Variants in EMP2 observed in about 807,000 individuals in gnomAD.
EMP2 encodes epithelial membrane protein 2.
EMP2 carries 19 observed loss-of-function variants against 13.7 expected under a neutral mutation model. The observed-to-expected ratio is 1.38, with a 90% CI of 0.97 to 2.03. The LOEUF (loss-of-function observed/expected upper bound fraction) is 2.03. Ranked by LOEUF, EMP2 falls within the 30% of genes most tolerant of loss-of-function variation. The probability of loss-of-function intolerance (pLI) is 0.00; values close to 1 mark genes in which losing one functional copy is unlikely to be tolerated. For synonymous variants in EMP2, 97 were observed against 84.7 expected, an observed-to-expected ratio of 1.15 and a Z score of -0.80; for missense variants, 253 against 220.7, an observed-to-expected ratio of 1.15 and a Z score of -0.93.
intron 1 of EMP2, among the ~76,000 whole-genome samples, chr16:10,548,609 G>C (rs2050757947): frequency 6.6e-6 from 1 of 152,014 alleles, no homozygotes; most frequent in Non-Finnish European, 1.5e-5. Context: ...CAGAAGGATT[G>C]CTTGAGCCCA....
rs58318805 is a variant in EMP2 at position 10,529,931 on chromosome 16, C to CAAAAAAAAAAAAA, written c.*2961_*2973dup. On this transcript the variant is annotated 3_prime_UTR_variant, in exon 5 of 5. Transcript: ENST00000359543. ...GGGCAACAAGAGCAAAACTCAGTCT[C>CAAAAAAAAAAAAA]AAAAAAAAAAAAAAAAAAGAAAAAG... is the stretch of plus-strand genomic sequence containing the variant. 5.3e-5 allele frequency: 4 copies of CAAAAAAAAAAAAA among 75,350 alleles called. No individual in the cohort carries two copies. The highest frequency in any genetic ancestry group is 1.6e-4 in the Admixed American group (1 of 6,176). The allele number at this position is 75,350 out of a possible 1,614,324, so 4.7% of individuals were successfully genotyped here. A position where few individuals can be genotyped will look rare whatever the true frequency, so the allele number is the denominator to read the frequency against.
In EMP2 at chr16:10,536,121, A is replaced by G. The variant is rs141596283; in HGVS notation, c.316+1807T>C. ...TCCACCTGTACCTAGAAGGGGTGGTACCTGGCTGTCCAGTAAAAGTGCCCC... is the reference window on the plus strand; with the variant it reads ...TCCACCTGTACCTAGAAGGGGTGGTGCCTGGCTGTCCAGTAAAAGTGCCCC... On this transcript the variant is annotated intron_variant, in intron 4 of 4. Coordinates refer to ENST00000359543, the MANE Select transcript of EMP2 (RefSeq NM_001424.6). Among the ~76,000 whole-genome samples, 28 of 152,278 alleles carry G rather than the reference A, an allele frequency of 1.8e-4. No individual in the cohort carries two copies. In the South Asian group the frequency reaches 2.1e-3, roughly 11 times the overall value.
At chr16:10,550,076 G>C (rs2050774531) in intron 1 of EMP2, among the ~76,000 whole-genome samples, 1 of 151,752 alleles carries the variant, frequency 6.6e-6, no homozygotes. Flanking sequence ...AGTACAGACA[G>C]GGTTTCACTA....
intron 1 of EMP2, among the ~76,000 whole-genome samples, chr16:10,549,455 T>G (rs950590440): frequency 8.5e-5 from 13 of 152,184 alleles, no homozygotes; most frequent in African/African-American, 2.7e-4. Context: ...CTTTGAGTAT[T>G]TTATAACCAT....
chr16:10,545,852 T>G (rs1376654474), intron 2 of EMP2: 7 of 151,920 alleles, frequency 4.6e-5, no homozygotes, highest in Non-Finnish European at 7.4e-5. Context: ...TGGGGACCAC[T>G]GCTATAATCC....
rs773249251 is a variant in EMP2 at position 10,537,913 on chromosome 16, C to T, written c.316+15G>A. On this transcript the variant is annotated intron_variant, in intron 4 of 4. Transcript: ENST00000359543. ...CAGAAAGCCCCTTGTTAGGGAAGCC[C>T]GTTGATGTACTTACATGACATTAGC... The T allele has an allele frequency of 5.0e-6, 8 of 1,611,456 alleles. No homozygotes were observed. Among genetic ancestry groups the T allele is most frequent in the African/African-American group, 1.3e-5 (1 of 74,856 alleles).
chr16:10,555,610 T>C (rs576633679), intron 1 of EMP2, among the ~76,000 whole-genome samples: 12 of 151,020 alleles, frequency 7.9e-5, no homozygotes, highest in Non-Finnish European at 1.8e-4. Context: ...TTTTTTGAGA[T>C]GGAGTTTTGT....
At chr16:10,547,268 G>C in intron 2 of EMP2, 1 of 373,480 alleles carries the variant, frequency 2.7e-6, no homozygotes. Context: ...TAGTGAATAA[G>C]TCTCACGAGA....
chr16:10,560,693 G>A (rs1435261199), intron 1 of EMP2, among the ~76,000 whole-genome samples: 2 of 152,188 alleles, frequency 1.3e-5, no homozygotes, highest in Admixed American at 1.3e-4. Context: ...GCCCTGTGTT[G>A]GGGTGGGAGC....
At position 10,558,098 on chromosome 16, in the gene EMP2, T is replaced by C. The variant is rs573957530; in HGVS notation, c.-60-10421A>G. On this transcript the variant is annotated intron_variant, in intron 1 of 4. Coordinates refer to ENST00000359543, the MANE Select transcript of EMP2 (RefSeq NM_001424.6). ...AGGCTGGAGTGCAGTGGCTCAAACA[T>C]TGCTCACGGCAACCTCGAACTTTTG... Among the ~76,000 whole-genome samples, 8 of 151,310 alleles carry C rather than the reference T, an allele frequency of 5.3e-5. No homozygotes were observed. The South Asian group carries it at 1.3e-3, about 24-fold the overall frequency.
At chr16:10,554,291 C>T (rs574972455) in intron 1 of EMP2, among the ~76,000 whole-genome samples, 1 of 152,338 alleles carries the variant, frequency 6.6e-6, no homozygotes. Flanking sequence ...CTTGGCCTCC[C>T]AGAGTGCTAG....
At chr16:10,569,597 G>C (rs758027903) in intron 1 of EMP2, among the ~76,000 whole-genome samples, 9 of 152,164 alleles carry the variant, frequency 5.9e-5, no homozygotes, top group Non-Finnish European at 1.3e-4. Flanking sequence ...TGAGTTTACA[G>C]GCATGAGCCA....
chr16:10,577,526 G>C (rs929587520), intron 1 of EMP2, among the ~76,000 whole-genome samples: 3 of 152,088 alleles, frequency 2.0e-5, no homozygotes, highest in Non-Finnish European at 4.4e-5. Context: ...CCACTCCTGG[G>C]GTGAGAAGGG....
chr16:10,560,163 A>G (rs912175739), intron 1 of EMP2, among the ~76,000 whole-genome samples: 3 of 152,220 alleles, frequency 2.0e-5, no homozygotes, highest in Non-Finnish European at 4.4e-5. Flanking sequence ...AGAGCTGATC[A>G]GGGATCTAGC....
intron 1 of EMP2, among the ~76,000 whole-genome samples, chr16:10,559,978 T>C (rs1319377212): frequency 1.3e-5 from 2 of 152,162 alleles, no homozygotes; most frequent in Admixed American, 6.5e-5. Flanking sequence ...CCCAGCAGCC[T>C]TGTTTTACAG....
intron 4 of EMP2, among the ~76,000 whole-genome samples, chr16:10,535,539 T>C (rs1310047302): frequency 1.3e-5 from 2 of 151,998 alleles, no homozygotes; most frequent in African/African-American, 4.8e-5. Flanking sequence ...CACAACATAG[T>C]GAAACCCCAT....
At chr16:10,552,569 T>G (rs2050796175) in intron 1 of EMP2, among the ~76,000 whole-genome samples, 1 of 152,236 alleles carries the variant, frequency 6.6e-6, no homozygotes, top group African/African-American at 2.4e-5. Context: ...AACAGATCTT[T>G]GGTTAAAATG....
chr16:10,578,747 G>A (rs1293807732), intron 1 of EMP2, among the ~76,000 whole-genome samples: 2 of 152,244 alleles, frequency 1.3e-5, no homozygotes, highest in Non-Finnish European at 2.9e-5. Flanking sequence ...CCAGCCCTCT[G>A]CCTCCTACTC....
At chr16:10,575,489 C>T (rs548577506) in intron 1 of EMP2, among the ~76,000 whole-genome samples, 90 of 151,752 alleles carry the variant, frequency 5.9e-4, no homozygotes, top group African/African-American at 2.1e-3. Context: ...CTCCTGACCT[C>T]GTGATCCACC....
Sources: gnomAD v4.1 joint callset for allele counts (sites outside exome capture counted in the v4.1 genomes callset) on GRCh38, gnomAD v4.1.1 for gene constraint, MANE v1.5 for transcripts, NCBI Gene and HGNC (gene_info 2026-07-23, HGNC 2026-07-21) for gene names.